Variants in ZNF695 observed in about 807,000 individuals in gnomAD.
The protein encoded by ZNF695 is zinc finger protein SBZF3.
In ZNF695, 11 loss-of-function variants were observed where a neutral mutation model predicts 11.2. The ratio of observed to expected loss-of-function variants is 0.98; its 90% CI spans 0.62 to 1.62. The LOEUF (loss-of-function observed/expected upper bound fraction) is 1.62. Among genes scored for constraint, ZNF695 ranks in the 40% most tolerant of loss-of-function variants. The probability of loss-of-function intolerance (pLI) is 0.00; values close to 1 mark genes in which losing one functional copy is unlikely to be tolerated. For synonymous variants in ZNF695, 190 were observed against 201.4 expected (o/e 0.94, Z 0.48); for missense variants, 559 against 590.5 (o/e 0.95, Z 0.55).
intron 5 of ZNF695, among the ~76,000 whole-genome samples, chr1:246,955,737 C>A (rs78375193): frequency 0.015 from 2,217 of 152,274 alleles, 58 homozygotes; most frequent in African/African-American, 0.051. Context: ...AAAGTCCGTT[C>A]TTTTCTACCA....
rs1668864387 is a variant in ZNF695, at chr1:246,986,846, T to C, written c.*121A>G. ...AGTGCACTCAAAGGCTCATAGACTG[T>C]AAATGGCCTTTTGACAGTCATTACA... On this transcript the variant is annotated 3_prime_UTR_variant, in exon 4 of 4. Coordinates refer to ENST00000339986, the MANE Select transcript of ZNF695 (RefSeq NM_020394.5). 6.9e-7 allele frequency: 1 copy of C among 1,445,600 alleles called. No homozygotes were observed. Among genetic ancestry groups the C allele is most frequent in the African/African-American group, 1.4e-5 (1 of 70,148 alleles). The allele number at this position is 1,445,600 out of a possible 1,614,324, so 89.5% of individuals were successfully genotyped here. A position where few individuals can be genotyped will look rare whatever the true frequency, so the allele number is the denominator to read the frequency against.
At chr1:246,961,332 C>A (rs1484993653) in intron 5 of ZNF695, among the ~76,000 whole-genome samples, 1 of 152,132 alleles carries the variant, frequency 6.6e-6, no homozygotes, top group South Asian at 2.1e-4. Context: ...TATATTGCTA[C>A]CTATTATTTC....
At chr1:246,963,057 C>A (rs1443113132) in intron 5 of ZNF695, among the ~76,000 whole-genome samples, 1 of 152,152 alleles carries the variant, frequency 6.6e-6, no homozygotes, top group African/African-American at 2.4e-5. Flanking sequence ...CTGTCTCTTG[C>A]CACCTTTCTC....
intron 4 of ZNF695, among the ~76,000 whole-genome samples, chr1:246,971,972 G>T (rs1327171729): frequency 6.6e-6 from 1 of 152,080 alleles, no homozygotes; most frequent in Non-Finnish European, 1.5e-5. Context: ...CTGATCTCAG[G>T]TGATCCATCC....
intron 3 of ZNF695, among the ~76,000 whole-genome samples, chr1:246,992,286 A>T (rs1388004899): frequency 6.6e-6 from 1 of 152,208 alleles, no homozygotes; most frequent in Non-Finnish European, 1.5e-5. Flanking sequence ...TAAGTAAAAT[A>T]AGCCAGGCAC....
At chr1:246,953,927 A>G (rs1426429328) in intron 5 of ZNF695, among the ~76,000 whole-genome samples, 1 of 151,050 alleles carries the variant, frequency 6.6e-6, no homozygotes, top group Non-Finnish European at 1.5e-5. Flanking sequence ...CTGTCTCAAA[A>G]CAAACAAACA....
In ZNF695 at chr1:246,961,731, G is replaced by C. The variant is rs904940689; in HGVS notation, c.488+5964C>G. On this transcript the variant is annotated intron_variant, in intron 5 of 5. Transcript: ENST00000487338. ...GACTATTTTCTTGGGTGCTGCCCTCGGGCTCCACATCCTGCAGCCTGCCTC... is the reference window on the plus strand; with the variant it reads ...GACTATTTTCTTGGGTGCTGCCCTCCGGCTCCACATCCTGCAGCCTGCCTC... Among the ~76,000 whole-genome samples, 5 of 152,212 alleles carry C rather than the reference G, an allele frequency of 3.3e-5. No homozygotes were observed. The East Asian group carries it at 9.7e-4, about 29-fold the overall frequency.
At position 246,999,917 on chromosome 1, in the gene ZNF695, A is replaced by G. The variant is rs763995077; in HGVS notation, c.161T>C (p.Phe54Ser). The G allele has an allele frequency of 6.2e-7, 1 of 1,613,910 alleles. No homozygotes were observed. The highest frequency in any genetic ancestry group is 1.6e-4 in the Middle Eastern group (1 of 6,062). The change falls in exon 2 of 4, where the codon TTT (phenylalanine) becomes TCT (serine). Residue 54 changes from phenylalanine to serine, a missense_variant. By Grantham distance (155) the Phe-to-Ser change is radical. Transcript: ENST00000339986. The part of the protein sequence containing the change: ...GEDSFNMQFL[F>S]HSLAMSKPEL... ...GAAAAAGATGAAATCCTTACTGTGA[A>G]ATAGGAATTGCATATTGAAGCTATC...
intron 5 of ZNF695, among the ~76,000 whole-genome samples, chr1:246,965,352 G>C (rs530263672): frequency 2.2e-5 from 3 of 135,978 alleles, no homozygotes; most frequent in South Asian, 4.6e-4. Context: ...GAGAGACTCT[G>C]TCTCAAAAAA....
intron 4 of ZNF695, among the ~76,000 whole-genome samples, chr1:246,972,176 G>A (rs900362942): frequency 4.6e-5 from 7 of 152,328 alleles, no homozygotes; most frequent in East Asian, 1.9e-4. Flanking sequence ...ACTGACTGCC[G>A]ACTGAAGGCC....
chr1:246,971,163 C>A (rs528799297), intron 4 of ZNF695, among the ~76,000 whole-genome samples: 15 of 152,190 alleles, frequency 9.9e-5, no homozygotes, highest in Non-Finnish European at 1.2e-4. Context: ...TAAGGTCACA[C>A]GAGTCACCTG....
At chr1:246,992,328 T>C (rs1299154121) in intron 3 of ZNF695, among the ~76,000 whole-genome samples, 1 of 152,022 alleles carries the variant, frequency 6.6e-6, no homozygotes, top group East Asian at 1.9e-4. Flanking sequence ...TCTCACTTAT[T>C]TGTGGAATCT....
At chr1:247,004,030 T>C (rs1021383480) in intron 1 of ZNF695, among the ~76,000 whole-genome samples, 1 of 152,186 alleles carries the variant, frequency 6.6e-6, no homozygotes, top group Non-Finnish European at 1.5e-5. Context: ...CTGGCCAACA[T>C]GGTGAAACCC....
intron 3 of ZNF695, 70 bp from the exon 4 acceptor site, chr1:246,988,325 A>C (rs1207621530): frequency 1.7e-6 from 2 of 1,190,390 alleles, no homozygotes; most frequent in Non-Finnish European, 2.3e-6. Flanking sequence ...AAGGCATAAA[A>C]TTATACAAGC....
intron 5 of ZNF695, chr1:246,967,633 T>C (rs1310104926): frequency 2.7e-6 from 1 of 366,418 alleles, no homozygotes; most frequent in Non-Finnish European, 5.4e-6. Flanking sequence ...CATTCTTGCA[T>C]TGCTATAAAG....
intron 5 of ZNF695, among the ~76,000 whole-genome samples, chr1:246,955,713 G>A (rs924167330): frequency 6.6e-6 from 1 of 152,122 alleles, no homozygotes; most frequent in South Asian, 2.1e-4. Flanking sequence ...TTTACCTAGC[G>A]ATGTTAACTT....
chr1:246,961,331 A>G lies in ZNF695; in HGVS notation c.488+6364T>C, dbSNP rs145536011. Among the ~76,000 whole-genome samples, 114 of 152,284 alleles carry G rather than the reference A, an allele frequency of 7.5e-4. 1 individual carries two copies. The highest frequency in any genetic ancestry group is 2.5e-3 in the African/African-American group (105 of 41,554). On this transcript the variant is annotated intron_variant, in intron 5 of 5. Transcript: ENST00000487338. ...GTTCATGTGACAATCTTATATTGCT[A>G]CCTATTATTTCATGTGCACGTAGAT...
chr1:246,977,313 G>A (rs890253237), intron 4 of ZNF695, among the ~76,000 whole-genome samples: 7 of 152,342 alleles, frequency 4.6e-5, no homozygotes, highest in Non-Finnish European at 1.0e-4. Flanking sequence ...CTGGAGTGCA[G>A]TGGTGTGATC....
At position 246,985,968 on chromosome 1, in the gene ZNF695, T is replaced by C. The variant is rs1668835386; in HGVS notation, c.*999A>G. 1 of 985,390 alleles carries C rather than the reference T, an allele frequency of 1.0e-6. No individual in the cohort carries two copies. The highest frequency in any genetic ancestry group is 1.2e-6 in the Non-Finnish European group (1 of 829,912). The allele number at this position is 985,390 out of a possible 1,614,324, so 61.0% of individuals were successfully genotyped here. A position where few individuals can be genotyped will look rare whatever the true frequency, so the allele number is the denominator to read the frequency against. On this transcript the variant is annotated 3_prime_UTR_variant, in exon 4 of 4. Transcript: ENST00000339986. ...CATGCCTTCACATAAACACTAGAAA[T>C]GAAGGCATGGTATCAAGTGATTTAA...
Sources: allele counts gnomAD v4.1 joint callset (sites outside exome capture counted in the v4.1 genomes callset), GRCh38; gene constraint gnomAD v4.1.1; transcripts MANE v1.5; gene names NCBI Gene and HGNC (gene_info 2026-07-23, HGNC 2026-07-21).